ANKRD44: variants seen among roughly 807,000 people sequenced by gnomAD.
ANKRD44 encodes ankyrin repeat domain 44.
ANKRD44 carries 35 observed loss-of-function variants against 116.0 expected under a neutral mutation model. The observed-to-expected ratio is 0.30, with a 90% CI of 0.23 to 0.40. ANKRD44 has a LOEUF of 0.40. Ranked by LOEUF, ANKRD44 falls within the 10% of genes least tolerant of loss-of-function variation. The pLI, the probability that ANKRD44 is intolerant of heterozygous loss-of-function variation, is 1.00. For synonymous variants in ANKRD44, 435 were observed against 461.8 expected (o/e 0.94, Z 0.74); for missense variants, 1,014 against 1,242.6 (o/e 0.82, Z 2.77).
rs1558999850 is a variant in ANKRD44, at chr2:197,025,277, CA to C, written c.1651-11del. 6.2e-7 allele frequency: 1 copy of C among 1,605,826 alleles called. No individual in the cohort carries two copies. The highest frequency in any genetic ancestry group is 1.7e-5 in the Admixed American group (1 of 59,918). ...TTGTTCTTTCCAAAAGCTGTGGAGA[CA>C]AAAAGCAAACAATAGTACGTGAGTC... On this transcript the variant is annotated splice_polypyrimidine_tract_variant and intron_variant, in intron 16 of 27. Transcript: ENST00000282272.
At chr2:197,214,642 T>A (rs1422929407) in intron 1 of ANKRD44, among the ~76,000 whole-genome samples, 1 of 152,140 alleles carries the variant, frequency 6.6e-6, no homozygotes, top group African/African-American at 2.4e-5. Context: ...ACTGATATAG[T>A]TGGGAAAGAA....
Position 197,068,651 on chromosome 2 carries a change from A to G in ANKRD44, c.1650+10052T>C, listed in dbSNP as rs2077494347. Among the ~76,000 whole-genome samples the G allele has an allele frequency of 1.3e-5, 2 of 152,172 alleles. 1 individual carries two copies. Among genetic ancestry groups the G allele is most frequent in the South Asian group, 4.1e-4 (2 of 4,824 alleles). On this transcript the variant is annotated intron_variant, in intron 16 of 27. Coordinates refer to ENST00000282272, the MANE Select transcript of ANKRD44 (RefSeq NM_001195144.2). ...AACCCCATCAAAAAGTGGGCAAAGG[A>G]TATGAACAGACAGAAAACATTTATG...
intron 1 of ANKRD44, among the ~76,000 whole-genome samples, chr2:197,273,481 C>A (rs2082956909): frequency 1.3e-5 from 2 of 152,220 alleles, no homozygotes; most frequent in Non-Finnish European, 2.9e-5. Context: ...TATTCTAACA[C>A]ACAGTCGCCA....
chr2:197,267,325 A>AT, intron 1 of ANKRD44, among the ~76,000 whole-genome samples: 1 of 152,178 alleles, frequency 6.6e-6, no homozygotes, highest in East Asian at 1.9e-4. Flanking sequence ...TGCATTTATC[A>AT]TTTTTCCCAT....
chr2:197,110,918 T>G, intron 8 of ANKRD44, 74 bp from the exon 9 acceptor site: 1 of 975,780 alleles, frequency 1.0e-6, no homozygotes, highest in Non-Finnish European at 1.7e-6. Flanking sequence ...AATACCCCTA[T>G]GGACACTCCT....
chr2:197,006,868 G>A (rs955817277), intron 20 of ANKRD44, among the ~76,000 whole-genome samples: 1 of 152,182 alleles, frequency 6.6e-6, no homozygotes, highest in Non-Finnish European at 1.5e-5. Context: ...ACTTTGTGAG[G>A]TGGAGGCAGG....
chr2:197,160,157 C>T (rs1200884389), intron 2 of ANKRD44, among the ~76,000 whole-genome samples: 2 of 152,060 alleles, frequency 1.3e-5, no homozygotes, highest in Non-Finnish European at 2.9e-5. Flanking sequence ...TCCTCTGCCA[C>T]GTATGAGCTG....
At chr2:197,115,953 CAG>C (rs1437356478) in intron 8 of ANKRD44, among the ~76,000 whole-genome samples, 4 of 152,196 alleles carry the variant, frequency 2.6e-5, no homozygotes, top group Admixed American at 1.3e-4. Flanking sequence ...CCTATTTACA[CAG>C]AGTCAATCAT....
intron 6 of ANKRD44, among the ~76,000 whole-genome samples, chr2:197,123,441 T>C (rs1468392821): frequency 3.9e-5 from 6 of 152,118 alleles, no homozygotes; most frequent in Admixed American, 3.9e-4. Context: ...AATAAGCCTG[T>C]ACAACATGGT....
chr2:197,164,629 C>T (rs1264254118), intron 2 of ANKRD44, among the ~76,000 whole-genome samples: 1 of 152,160 alleles, frequency 6.6e-6, no homozygotes, highest in Non-Finnish European at 1.5e-5. Flanking sequence ...CGCCCCAACC[C>T]CTGCCCCGGA....
At chr2:197,099,017 C>T (rs559648637) in intron 10 of ANKRD44, among the ~76,000 whole-genome samples, 5 of 152,170 alleles carry the variant, frequency 3.3e-5, no homozygotes, top group South Asian at 2.1e-4. Flanking sequence ...CTTTTGTTCC[C>T]GCTTTCCTCC....
intron 13 of ANKRD44, among the ~76,000 whole-genome samples, chr2:197,084,247 G>A (rs905884904): frequency 1.3e-4 from 20 of 152,090 alleles, no homozygotes. Context: ...GAGGCTTTCT[G>A]GATCATGTCC....
intron 1 of ANKRD44, among the ~76,000 whole-genome samples, chr2:197,294,323 G>C (rs1423702061): frequency 1.3e-5 from 2 of 152,110 alleles, no homozygotes; most frequent in Non-Finnish European, 2.9e-5. Context: ...TCATATAGAA[G>C]TTAGTTTCAC....
chr2:197,266,018 T>C (rs1194863866), intron 1 of ANKRD44, among the ~76,000 whole-genome samples: 1 of 151,912 alleles, frequency 6.6e-6, no homozygotes, highest in African/African-American at 2.4e-5. Context: ...ATAAATCAAA[T>C]GCTCACTCTC....
At chr2:197,236,150 A>AGGGG (rs1289409164) in intron 1 of ANKRD44, among the ~76,000 whole-genome samples, 1 of 152,224 alleles carries the variant, frequency 6.6e-6, no homozygotes, top group Non-Finnish European at 1.5e-5. Flanking sequence ...CAGGGCAAAC[A>AGGGG]GGCTGCAAGG....
chr2:196,972,841 GT>G (rs2075725048), intron 21 of ANKRD44, among the ~76,000 whole-genome samples: 2 of 152,134 alleles, frequency 1.3e-5, no homozygotes, highest in South Asian at 4.1e-4. Flanking sequence ...TGTTGAAAGG[GT>G]ATGTATAATT....
intron 1 of ANKRD44, among the ~76,000 whole-genome samples, chr2:197,294,017 A>G (rs1331492137): frequency 6.6e-6 from 1 of 152,196 alleles, no homozygotes; most frequent in Non-Finnish European, 1.5e-5. Context: ...TGAGCCAGAA[A>G]AAATAAGAGC....
At position 196,995,400 on chromosome 2, in the gene ANKRD44, T is replaced by C; in HGVS notation, c.2810A>G (p.Glu937Gly). 6.2e-7 allele frequency: 1 copy of C among 1,612,528 alleles called. No homozygotes were observed. Among genetic ancestry groups the C allele is most frequent in the Non-Finnish European group, 8.5e-7 (1 of 1,179,204 alleles). ...TTACGTCTGCAGTGCATTATTTTTTTCATTAATAAGGCTCTCGTCTTGTAT... is the reference window on the plus strand; with the variant it reads ...TTACGTCTGCAGTGCATTATTTTTTCCATTAATAAGGCTCTCGTCTTGTAT... The part of the protein sequence containing the change: ...DKIQDESLIN[E>G]KNNALQTPLH... The change falls in exon 26 of 28, where the codon GAA becomes GGA. Residue 937 changes from glutamate (E) to glycine (G), a missense_variant. Physicochemically the swap from Glu to Gly is moderately conservative, Grantham distance 98. Coordinates refer to ENST00000282272, the MANE Select transcript of ANKRD44 (RefSeq NM_001195144.2).
At chr2:196,983,858 C>G (rs147788775), downstream of ANKRD44, among the ~76,000 whole-genome samples, 1 of 152,196 alleles carries the variant, frequency 6.6e-6, no homozygotes, top group Non-Finnish European at 1.5e-5. Flanking sequence ...GAGTTCCCCC[C>G]ACTGGGAAAG....
Sources: allele counts gnomAD v4.1 joint callset (sites outside exome capture counted in the v4.1 genomes callset), GRCh38; gene constraint gnomAD v4.1.1; transcripts MANE v1.5; gene names NCBI Gene and HGNC (gene_info 2026-07-23, HGNC 2026-07-21).